MYO10: variants seen among roughly 807,000 people sequenced by gnomAD.
MYO10 encodes myosin X.
MYO10 carries 133 observed loss-of-function variants against 257.3 expected under a neutral mutation model. The observed-to-expected ratio is 0.52, with a 90% CI of 0.45 to 0.60. The LOEUF (loss-of-function observed/expected upper bound fraction) is 0.60. MYO10 is among the 20% of genes least tolerant of loss of function. MYO10 has a pLI of 0.00. For missense variants in MYO10, 2,399 were observed against 2,635.7 expected (o/e 0.91, Z 1.97); for synonymous variants, 1,104 against 1,028.6 (o/e 1.07, Z -1.40).
chr5:16,901,516 T>G (rs922013263), intron 1 of MYO10, among the ~76,000 whole-genome samples: 1 of 152,208 alleles, frequency 6.6e-6, no homozygotes, highest in African/African-American at 2.4e-5. Context: ...AGCCCTGCCC[T>G]ATTAACAATG....
intron 19 of MYO10, among the ~76,000 whole-genome samples, chr5:16,736,512 C>T (rs1211369937): frequency 1.3e-5 from 2 of 152,158 alleles, no homozygotes; most frequent in Non-Finnish European, 1.5e-5. Flanking sequence ...GCCTGGAAAT[C>T]CCAGTCAAAT....
At chr5:16,882,162 A>C (rs540775364) in intron 1 of MYO10, among the ~76,000 whole-genome samples, 1 of 152,336 alleles carries the variant, frequency 6.6e-6, no homozygotes, top group East Asian at 1.9e-4. Flanking sequence ...TTTGAACTTT[A>C]AAGCAATCCT....
intron 2 of MYO10, among the ~76,000 whole-genome samples, chr5:16,837,529 G>A (rs113554502): frequency 0.06 from 9,092 of 152,194 alleles, 323 homozygotes; most frequent in African/African-American, 0.069. Flanking sequence ...GGTGATGAAA[G>A]TGTTCTAAAT....
At chr5:16,727,462 T>C (rs1303246060) in intron 19 of MYO10, among the ~76,000 whole-genome samples, 1 of 152,190 alleles carries the variant, frequency 6.6e-6, no homozygotes, top group Non-Finnish European at 1.5e-5. Flanking sequence ...TTTCATAACA[T>C]TACCCATTTT....
chr5:16,909,439 G>T (rs2126790839), intron 1 of MYO10, among the ~76,000 whole-genome samples: 1 of 149,734 alleles, frequency 6.7e-6, no homozygotes, highest in East Asian at 2.0e-4. Context: ...CCAGGAGACG[G>T]AAGTTGCAGT....
intron 2 of MYO10, among the ~76,000 whole-genome samples, chr5:16,826,829 A>G (rs967343529): frequency 1.3e-5 from 2 of 152,186 alleles, no homozygotes; most frequent in Admixed American, 6.5e-5. Flanking sequence ...AGTAGTGATC[A>G]ATAACAAAGG....
chr5:16,828,828 G>A lies in MYO10; in HGVS notation c.121-10661C>T, dbSNP rs999158040. Among the ~76,000 whole-genome samples, 58 of 152,028 alleles carry A rather than the reference G, an allele frequency of 3.8e-4. 1 individual carries two copies. Among genetic ancestry groups the A allele is most frequent in the African/African-American group, 1.3e-3 (53 of 41,396 alleles). Reference sequence around the variant, plus strand: ...ACTCCCGGGCTCAAGCAGTCCTCCCGCCTCAGCCTACAGAGTTAACTGGGA... The same window carrying A: ...ACTCCCGGGCTCAAGCAGTCCTCCCACCTCAGCCTACAGAGTTAACTGGGA... On this transcript the variant is annotated intron_variant, in intron 2 of 40. Transcript: ENST00000513610.
chr5:16,885,967 A>AG (rs1744886342), intron 1 of MYO10, among the ~76,000 whole-genome samples: 1 of 152,168 alleles, frequency 6.6e-6, no homozygotes, highest in African/African-American at 2.4e-5. Context: ...TCCTTGCCAT[A>AG]GAGTACTCAA....
In MYO10 at chr5:16,882,317, T is replaced by C. The variant is rs377191301; in HGVS notation, c.22-4610A>G. Reference sequence around the variant, plus strand: ...GGTGAGGATGTAGAGAAACTGAGAATGTAAAATGGTACATCTGCTTTGGAA... The same window carrying C: ...GGTGAGGATGTAGAGAAACTGAGAACGTAAAATGGTACATCTGCTTTGGAA... On this transcript the variant is annotated intron_variant, in intron 1 of 40. Coordinates refer to ENST00000513610, the MANE Select transcript of MYO10 (RefSeq NM_012334.3). Among the ~76,000 whole-genome samples the C allele has an allele frequency of 1.6e-4, 24 of 152,228 alleles. 1 individual carries two copies. Among genetic ancestry groups the C allele is most frequent in the African/African-American group, 4.1e-4 (17 of 41,462 alleles).
intron 1 of MYO10, among the ~76,000 whole-genome samples, chr5:16,892,962 G>A (rs168813): frequency 6.6e-6 from 1 of 151,974 alleles, no homozygotes. Flanking sequence ...TTGGGAGGCC[G>A]AGGCGGGCAG....
chr5:16,739,767 T>C (rs184910356), intron 19 of MYO10, among the ~76,000 whole-genome samples: 102 of 152,146 alleles, frequency 6.7e-4, no homozygotes, highest in Non-Finnish European at 1.6e-4. Flanking sequence ...GGAAGAAAAG[T>C]ATATACACAA....
intron 4 of MYO10, among the ~76,000 whole-genome samples, chr5:16,792,589 G>A (rs941706035): frequency 3.5e-4 from 12 of 34,340 alleles, no homozygotes; most frequent in Non-Finnish European, 7.6e-4. Flanking sequence ...GGAGCGGGGG[G>A]CGGGGGGCTG....
chr5:16,780,842 A>C (rs967031705), intron 6 of MYO10, 101 bp from the exon 7 acceptor site: 1 of 1,216,538 alleles, frequency 8.2e-7, no homozygotes, highest in South Asian at 1.4e-5. Context: ...AAATAATTAC[A>C]GTTCCCTGTT....
In MYO10 at chr5:16,759,658, C is replaced by G. The variant is rs914666386; in HGVS notation, c.1740-1432G>C. ...GCTGGCGAAACTCCACCTCGCTGGTCTCCAGGCCTGCAATCTTTTCACTAC... is the reference window on the plus strand; with the variant it reads ...GCTGGCGAAACTCCACCTCGCTGGTGTCCAGGCCTGCAATCTTTTCACTAC... On this transcript the variant is annotated intron_variant, in intron 17 of 40. Transcript: ENST00000513610. Among the ~76,000 whole-genome samples the G allele has an allele frequency of 3.3e-5, 5 of 152,310 alleles. No homozygotes were observed. The South Asian group carries it at 1.0e-3, about 32-fold the overall frequency.
chr5:16,836,856 A>T (rs1226871263), intron 2 of MYO10, among the ~76,000 whole-genome samples: 1 of 152,190 alleles, frequency 6.6e-6, no homozygotes, highest in Non-Finnish European at 1.5e-5. Context: ...ATACCCAAGA[A>T]AAATAAAAAC....
intron 1 of MYO10, among the ~76,000 whole-genome samples, chr5:16,918,172 GAAAGAAACA>G: frequency 6.6e-6 from 1 of 152,226 alleles, no homozygotes; most frequent in Non-Finnish European, 1.5e-5. Flanking sequence ...CATTAAACTT[GAAAGAAACA>G]GTTTCAAGTT....
intron 2 of MYO10, among the ~76,000 whole-genome samples, chr5:16,822,828 C>T (rs1485645267): frequency 2.6e-5 from 4 of 152,134 alleles, no homozygotes; most frequent in South Asian, 4.1e-4. Context: ...GCTGGGACTA[C>T]AGGCGCCCGC....
intron 1 of MYO10, among the ~76,000 whole-genome samples, chr5:16,879,038 T>C (rs1430092159): frequency 6.6e-6 from 1 of 151,902 alleles, no homozygotes; most frequent in East Asian, 1.9e-4. Context: ...ACCCATATGA[T>C]GGAATGCAAC....
chr5:16,896,007 C>T (rs1410870469), intron 1 of MYO10, among the ~76,000 whole-genome samples: 1 of 152,178 alleles, frequency 6.6e-6, no homozygotes, highest in African/African-American at 2.4e-5. Flanking sequence ...AGCCCCAGCT[C>T]CTGCCCTCTC....
Sources: allele counts gnomAD v4.1 joint callset (sites outside exome capture counted in the v4.1 genomes callset), GRCh38; gene constraint gnomAD v4.1.1; transcripts MANE v1.5; gene names NCBI Gene and HGNC (gene_info 2026-07-23, HGNC 2026-07-21).